LRRFIP2: variants seen among roughly 807,000 people sequenced by gnomAD.
LRRFIP2 encodes LRR binding FLII interacting protein 2.
In LRRFIP2, 109 loss-of-function variants were observed where a neutral mutation model predicts 125.9. The ratio of observed to expected loss-of-function variants is 0.87; its 90% CI spans 0.74 to 1.01. The LOEUF (loss-of-function observed/expected upper bound fraction) is 1.01, where lower values mean the gene tolerates loss of function less well. LRRFIP2 is among the 50% of genes least tolerant of loss of function. The pLI is 0.00. For synonymous variants in LRRFIP2, 291 were observed against 293.1 expected, an observed-to-expected ratio of 0.99 and a Z score of 0.07; for missense variants, 850 against 862.3, an observed-to-expected ratio of 0.99 and a Z score of 0.18.
chr3:37,061,551 C>T (rs933412687), intron 24 of LRRFIP2, among the ~76,000 whole-genome samples: 1 of 151,772 alleles, frequency 6.6e-6, no homozygotes, highest in Non-Finnish European at 1.5e-5. Flanking sequence ...CCACCATGCC[C>T]GGCTAATTTT....
At chr3:37,118,828 T>C (rs531948988) in intron 6 of LRRFIP2, among the ~76,000 whole-genome samples, 4 of 152,326 alleles carry the variant, frequency 2.6e-5, no homozygotes, top group African/African-American at 9.6e-5. Context: ...CGGCCTTAAG[T>C]TTTTAAAAAT....
chr3:37,143,663 G>A (rs1421510965), intron 2 of LRRFIP2: 4 of 170,122 alleles, frequency 2.4e-5, no homozygotes, highest in Middle Eastern at 2.5e-3. Flanking sequence ...TCTCGTGGGA[G>A]CCCAGCCAGT....
chr3:37,138,332 C>T (rs1037766844), intron 2 of LRRFIP2, among the ~76,000 whole-genome samples: 1 of 152,148 alleles, frequency 6.6e-6, no homozygotes, highest in Non-Finnish European at 1.5e-5. Context: ...GCCAATCAAT[C>T]GTATTCTAAA....
At chr3:37,129,263 A>G in intron 2 of LRRFIP2, 114 bp from the exon 3 acceptor site, 1 of 775,130 alleles carries the variant, frequency 1.3e-6, no homozygotes, top group Non-Finnish European at 2.2e-6. Context: ...GCAGGAGAAG[A>G]TATTATCTAT....
chr3:37,065,990 G>A, intron 22 of LRRFIP2, 48 bp from the exon 23 acceptor site: 2 of 1,611,794 alleles, frequency 1.2e-6, no homozygotes, highest in East Asian at 2.2e-5. Context: ...TATGGAAGCT[G>A]TAAGCTCTGT....
chr3:37,083,544 A>G (rs1025242029), intron 19 of LRRFIP2, 92 bp downstream of exon 19: 1 of 961,482 alleles, frequency 1.0e-6, no homozygotes, highest in Non-Finnish European at 1.5e-6. Flanking sequence ...CTGAAACATC[A>G]TTCCTAAATA....
intron 1 of LRRFIP2, among the ~76,000 whole-genome samples, chr3:37,157,516 T>A (rs2096233450): frequency 1.4e-5 from 2 of 146,796 alleles, no homozygotes; most frequent in South Asian, 2.2e-4. Flanking sequence ...ACAAGGAAAG[T>A]AAAGGGAGAG....
At chr3:37,150,085 T>C (rs2095976586) in intron 1 of LRRFIP2, among the ~76,000 whole-genome samples, 1 of 152,088 alleles carries the variant, frequency 6.6e-6, no homozygotes, top group Non-Finnish European at 1.5e-5. Flanking sequence ...CAATTAACAA[T>C]AACCAACACT....
chr3:37,108,928 A>G (rs993043980), intron 11 of LRRFIP2, among the ~76,000 whole-genome samples: 1 of 152,198 alleles, frequency 6.6e-6, no homozygotes, highest in African/African-American at 2.4e-5. Context: ...TCATGTTATG[A>G]AACTGGGAGA....
Position 37,126,868 on chromosome 3 carries a change from A to AAAAG in LRRFIP2, c.228+758_228+761dup, listed in dbSNP as rs556976086. The stretch of plus-strand genomic sequence containing the variant: ...GCGCGAAACTCCATCTCAAAAAAAA[A>AAAAG]AAAGAAAGAAAGAAAGAAAGAAAGT... On this transcript the variant is annotated intron_variant, in intron 4 of 27. Coordinates refer to ENST00000336686, the MANE Select transcript of LRRFIP2 (RefSeq NM_006309.4). Among the ~76,000 whole-genome samples, 1,173 of 147,206 alleles carry AAAAG rather than the reference A, an allele frequency of 8.0e-3. 8 individuals carry two copies. Among genetic ancestry groups the AAAAG allele is most frequent in the Non-Finnish European group, 0.012 (811 of 66,836 alleles).
intron 18 of LRRFIP2, among the ~76,000 whole-genome samples, chr3:37,085,535 A>G (rs1234144667): frequency 6.6e-6 from 1 of 151,764 alleles, no homozygotes; most frequent in Non-Finnish European, 1.5e-5. Context: ...ACAAACAAAC[A>G]AACAAAAAGC....
intron 1 of LRRFIP2, 133 bp from the exon 2 acceptor site, chr3:37,149,171 T>C (rs1195269271): frequency 4.9e-6 from 3 of 610,838 alleles, no homozygotes; most frequent in South Asian, 2.8e-5. Context: ...CCAATAAATT[T>C]TAGAATATTT....
chr3:37,066,186 C>G, intron 22 of LRRFIP2, 38 bp downstream of exon 22: 2 of 1,544,944 alleles, frequency 1.3e-6, no homozygotes, highest in South Asian at 2.2e-5. Flanking sequence ...GAGAGTAAAA[C>G]AGTGAGGGAC....
intron 1 of LRRFIP2, among the ~76,000 whole-genome samples, chr3:37,152,127 C>T (rs1459123533): frequency 1.3e-5 from 2 of 152,180 alleles, no homozygotes; most frequent in Non-Finnish European, 2.9e-5. Context: ...TGTAATACTA[C>T]TCAGCCATAA....
intron 12 of LRRFIP2, 45 bp from the exon 13 acceptor site, chr3:37,108,174 C>A (rs1197716332): frequency 4.8e-6 from 7 of 1,456,394 alleles, no homozygotes; most frequent in South Asian, 1.1e-5. Context: ...ATGATCACCT[C>A]ATTATTCTAA....
intron 16 of LRRFIP2, 121 bp from the exon 17 acceptor site, chr3:37,095,029 T>C: frequency 1.5e-6 from 1 of 687,170 alleles, no homozygotes; most frequent in South Asian, 1.6e-5. Flanking sequence ...GAAGTTACCA[T>C]GTGTAATCAA....
At chr3:37,102,772 G>A (rs1379956414) in intron 15 of LRRFIP2, 152 bp downstream of exon 15, 1 of 551,254 alleles carries the variant, frequency 1.8e-6, no homozygotes, top group Non-Finnish European at 3.1e-6. Flanking sequence ...AAAGTGCTGG[G>A]ATTACAAGTG....
chr3:37,095,226 A>C (rs1474204120), intron 16 of LRRFIP2, among the ~76,000 whole-genome samples: 1 of 152,240 alleles, frequency 6.6e-6, no homozygotes, highest in African/African-American at 2.4e-5. Flanking sequence ...TACTTAAGTG[A>C]GCACATCAGA....
intron 1 of LRRFIP2, chr3:37,172,833 T>C (rs890053984): frequency 6.6e-6 from 1 of 152,148 alleles, no homozygotes; most frequent in South Asian, 2.1e-4. Context: ...CCAGCATAAT[T>C]TATTATAAGC....
Sources: gnomAD v4.1 joint callset for allele counts (sites outside exome capture counted in the v4.1 genomes callset) on GRCh38, gnomAD v4.1.1 for gene constraint, MANE v1.5 for transcripts, NCBI Gene and HGNC (gene_info 2026-07-23, HGNC 2026-07-21) for gene names.